Variants in KLF12 observed in about 807,000 individuals in gnomAD.
KLF12 encodes the protein Krueppel-like factor 12.
A neutral mutation model predicts 37.8 loss-of-function variants in KLF12; 9 were observed. That is an observed-to-expected ratio of 0.24 (90% CI 0.14 to 0.42). The LOEUF is 0.42. Among genes scored for constraint, KLF12 ranks in the 10% least tolerant of loss-of-function variants. The pLI is 1.00. For synonymous variants in KLF12, 208 were observed against 202.1 expected (o/e 1.03, Z -0.25); for missense variants, 411 against 516.0 (o/e 0.80, Z 1.97).
At chr13:73,912,123 G>T (rs1361539971) in intron 3 of KLF12, among the ~76,000 whole-genome samples, 2 of 152,046 alleles carry the variant, frequency 1.3e-5, no homozygotes, top group African/African-American at 4.8e-5. Context: ...AGGGCTACTA[G>T]AGCTATAAAT....
chr13:73,874,780 CT>C (rs1234167891), intron 3 of KLF12, among the ~76,000 whole-genome samples: 2 of 152,138 alleles, frequency 1.3e-5, no homozygotes, highest in Non-Finnish European at 2.9e-5. Context: ...ATAATATTTT[CT>C]TCAGAACTGA....
the KLF12 span, among the ~76,000 whole-genome samples, chr13:74,223,765 C>G: frequency 1.3e-5 from 2 of 152,122 alleles, no homozygotes; most frequent in Non-Finnish European, 2.9e-5. Flanking sequence ...GGAGTTTTGC[C>G]TTTATGCTGC....
At chr13:74,047,118 C>T (rs963714423) in intron 1 of KLF12, among the ~76,000 whole-genome samples, 1 of 152,172 alleles carries the variant, frequency 6.6e-6, no homozygotes, top group South Asian at 2.1e-4. Context: ...CAGTCCTCCT[C>T]TATGCCAGAG....
intron 3 of KLF12, among the ~76,000 whole-genome samples, chr13:73,882,894 A>ATC (rs1320498562): frequency 6.6e-6 from 1 of 152,192 alleles, no homozygotes; most frequent in Non-Finnish European, 1.5e-5. Context: ...TTAGGGAACC[A>ATC]TCTCATGTTC....
At chr13:74,076,266 T>C (rs1165961842) in intron 1 of KLF12, among the ~76,000 whole-genome samples, 1 of 152,216 alleles carries the variant, frequency 6.6e-6, no homozygotes, top group African/African-American at 2.4e-5. Flanking sequence ...CTTAGTGCAT[T>C]TGTGCTGCTA....
intron 1 of KLF12, among the ~76,000 whole-genome samples, chr13:74,039,601 T>C (rs937388371): frequency 2.0e-5 from 3 of 152,140 alleles, no homozygotes; most frequent in Admixed American, 2.0e-4. Flanking sequence ...TGTAAAAAAT[T>C]ATAAAATAAT....
the KLF12 span, among the ~76,000 whole-genome samples, chr13:74,191,689 C>T: frequency 6.6e-6 from 1 of 152,264 alleles, no homozygotes; most frequent in Admixed American, 6.5e-5. Context: ...TTAGAAAGTA[C>T]AGAGCCTTAG....
intron 7 of KLF12, among the ~76,000 whole-genome samples, chr13:73,709,810 G>T (rs796572431): frequency 1.3e-5 from 2 of 152,200 alleles, no homozygotes; most frequent in African/African-American, 4.8e-5. Context: ...GTGGATTCTG[G>T]CTACTGTTTA....
Position 73,725,375 on chromosome 13 carries a change from C to T in KLF12, c.870-9850G>A, listed in dbSNP as rs539109028. 2.0e-5 allele frequency among the ~76,000 whole-genome samples: 3 copies of T among 152,270 alleles called. 1 individual carries two copies. Among genetic ancestry groups the T allele is most frequent in the African/African-American group, 7.2e-5 (3 of 41,552 alleles). ...TTGGCCTCCCAAAGTGCTGGGATTA[C>T]AGGCGTGAGCCATCACGCCGGGCCA... On this transcript the variant is annotated intron_variant, in intron 6 of 7. Coordinates refer to ENST00000377669, the MANE Select transcript of KLF12 (RefSeq NM_007249.5).
chr13:74,304,171 A>G, the KLF12 span, among the ~76,000 whole-genome samples: 1 of 152,306 alleles, frequency 6.6e-6, no homozygotes, highest in East Asian at 1.9e-4. Context: ...ACAGGCTTTC[A>G]GCCTTGACCA....
chr13:73,844,727 A>C (rs527645427), intron 4 of KLF12: 41 of 152,192 alleles, frequency 2.7e-4, no homozygotes, highest in Admixed American at 1.3e-3. Context: ...GAACCAAAAC[A>C]ACCATATTTA....
intron 1 of KLF12, among the ~76,000 whole-genome samples, chr13:74,053,987 G>T (rs890852769): frequency 6.6e-6 from 1 of 152,052 alleles, no homozygotes. Flanking sequence ...TTTCTTAGTC[G>T]TAATTAAGAA....
intron 3 of KLF12, 47 bp from the exon 4 acceptor site, chr13:73,846,420 A>G (rs1351378399): frequency 1.3e-6 from 2 of 1,496,050 alleles, no homozygotes; most frequent in African/African-American, 1.4e-5. Context: ...TTTATCACAC[A>G]TTTTATCGAT....
At chr13:74,237,409 T>C in the KLF12 span, among the ~76,000 whole-genome samples, 3 of 143,268 alleles carry the variant, frequency 2.1e-5, no homozygotes, top group Non-Finnish European at 3.0e-5. Flanking sequence ...GGCTCAGGAT[T>C]GATTTGGCGA....
intron 3 of KLF12, among the ~76,000 whole-genome samples, chr13:73,903,626 C>T (rs1421785355): frequency 2.0e-5 from 3 of 152,182 alleles, no homozygotes; most frequent in Admixed American, 2.0e-4. Flanking sequence ...AAGGTTCATG[C>T]CCTAGAAGTA....
At chr13:74,184,410 A>G in the KLF12 span, among the ~76,000 whole-genome samples, 11 of 152,120 alleles carry the variant, frequency 7.2e-5, no homozygotes, top group Admixed American at 7.2e-4. Flanking sequence ...TAAACCAGGA[A>G]AGGCTTTAGT....
rs576836362 is a variant in KLF12, at chr13:73,917,304, A to AC, written c.123+26676dup. 1.1e-3 allele frequency among the ~76,000 whole-genome samples: 174 copies of AC among 152,202 alleles called. 1 individual carries two copies. Among genetic ancestry groups the AC allele is most frequent in the Middle Eastern group, 3.4e-3 (1 of 292 alleles). Reference sequence around the variant, plus strand: ...AAATCTCAACACCTTTCCTGGTACTACCCCCTCTGCCTAGAGTGATTCCTC... The same window carrying AC: ...AAATCTCAACACCTTTCCTGGTACTACCCCCCTCTGCCTAGAGTGATTCCTC... On this transcript the variant is annotated intron_variant, in intron 3 of 7. Coordinates refer to ENST00000377669, the MANE Select transcript of KLF12 (RefSeq NM_007249.5).
the KLF12 span, among the ~76,000 whole-genome samples, chr13:74,243,323 A>G: frequency 6.6e-6 from 1 of 152,082 alleles, no homozygotes; most frequent in Non-Finnish European, 1.5e-5. Context: ...CATGGTGTAT[A>G]TGTGCCACAT....
At position 74,026,268 on chromosome 13, in the gene KLF12, A is replaced by C. The variant is rs149593840; in HGVS notation, c.-31-31215T>G. ...AATAAAGAGGGATGGAAGAGGAAAA[A>C]AATCAGTTATTTCATTTCCAAAAAA... On this transcript the variant is annotated intron_variant, in intron 1 of 7. Transcript: ENST00000377669. Among the ~76,000 whole-genome samples, 666 of 152,264 alleles carry C rather than the reference A, an allele frequency of 4.4e-3. 3 individuals carry two copies. The highest frequency in any genetic ancestry group is 0.013 in the African/African-American group (558 of 41,570).
Sources: allele counts gnomAD v4.1 joint callset (sites outside exome capture counted in the v4.1 genomes callset), GRCh38; gene constraint gnomAD v4.1.1; transcripts MANE v1.5; gene names NCBI Gene and HGNC (gene_info 2026-07-23, HGNC 2026-07-21).